Variants in ZNF761 observed in about 807,000 individuals in gnomAD.
ZNF761 encodes zinc finger protein 761.
A neutral mutation model predicts 59.9 loss-of-function variants in ZNF761; 43 were observed. That is an observed-to-expected ratio of 0.72 (90% confidence interval 0.56 to 0.92). The LOEUF is 0.92. ZNF761 is among the 40% of genes least tolerant of loss of function. The pLI, the probability that ZNF761 is intolerant of heterozygous loss-of-function variation, is 0.00. For missense variants in ZNF761, 850 were observed against 906.1 expected (o/e 0.94, Z 0.79); for synonymous variants, 294 against 304.8 (o/e 0.96, Z 0.37).
At chr19:53,440,013 T>C (rs2086082173) in intron 1 of ZNF761, among the ~76,000 whole-genome samples, 1 of 152,072 alleles carries the variant, frequency 6.6e-6, no homozygotes, top group Non-Finnish European at 1.5e-5. Flanking sequence ...GCATATGAGG[T>C]TGCACTGGTA....
In ZNF761 at chr19:53,455,122, A is replaced by G. The variant is rs1174634020; in HGVS notation, c.615A>G (p.Lys205=). The change falls in exon 5 of 5, where the codon AAA becomes AAG. Residue 205 remains lysine (K), a synonymous_variant. Coordinates refer to ENST00000684525, the MANE Select transcript of ZNF761 (RefSeq NM_001289951.2). ...GGAATTCTTCATTACTCACACAAAAACAGGAAGTACACATGAGAGAAAAAT... is the reference window on the plus strand; with the variant it reads ...GGAATTCTTCATTACTCACACAAAAGCAGGAAGTACACATGAGAGAAAAAT... ...NFWNSSLLTQ[K]QEVHMREKSF... 1 of 1,614,232 alleles carries G rather than the reference A, an allele frequency of 6.2e-7. No homozygotes were observed. Among genetic ancestry groups the G allele is most frequent in the East Asian group, 2.2e-5 (1 of 44,876 alleles).
At chr19:53,448,253 G>A (rs188125701) in intron 3 of ZNF761, among the ~76,000 whole-genome samples, 40 of 152,254 alleles carry the variant, frequency 2.6e-4, no homozygotes, top group African/African-American at 8.9e-4. Flanking sequence ...TCTGCCCACC[G>A]CAGTCTCCCA....
In ZNF761 at chr19:53,457,986, G is replaced by A. The variant is rs185334112; in HGVS notation, c.*1238G>A. 431 of 152,534 alleles carry A rather than the reference G, an allele frequency of 2.8e-3. 1 individual carries two copies. Among genetic ancestry groups the A allele is most frequent in the Non-Finnish European group, 4.9e-3 (335 of 68,146 alleles). 9.4% of individuals were successfully genotyped at this position (152,534 alleles called of 1,614,324 possible). On this transcript the variant is annotated 3_prime_UTR_variant, in exon 5 of 5. Transcript: ENST00000684525. ...TTTTTAATCATTTTGATCAATGTTT[G>A]TAGATTTCAAGGTACAAACTTCTGA...
At chr19:53,452,045 C>A (rs1290121847) in intron 4 of ZNF761, among the ~76,000 whole-genome samples, 1 of 152,176 alleles carries the variant, frequency 6.6e-6, no homozygotes, top group Non-Finnish European at 1.5e-5. Flanking sequence ...ATTTCACTGT[C>A]CTGTCAGAAA....
chr19:53,445,558 C>G (rs1007964984), intron 1 of ZNF761, among the ~76,000 whole-genome samples: 3 of 152,112 alleles, frequency 2.0e-5, no homozygotes, highest in Non-Finnish European at 2.9e-5. Context: ...AAAGCTCAAC[C>G]CGAGTGACCC....
intron 2 of ZNF761, among the ~76,000 whole-genome samples, chr19:53,446,902 A>G (rs35176941): frequency 0.058 from 8,898 of 152,196 alleles, 374 homozygotes; most frequent in African/African-American, 0.12. Flanking sequence ...GATGACAGGC[A>G]TGAGGCACCA....
intron 4 of ZNF761, among the ~76,000 whole-genome samples, chr19:53,451,954 C>T (rs1208560781): frequency 6.6e-6 from 1 of 152,010 alleles, no homozygotes; most frequent in Non-Finnish European, 1.5e-5. Flanking sequence ...ATTTATAGTA[C>T]AGGCTCTAAA....
In ZNF761 at chr19:53,454,865, A is replaced by G; in HGVS notation, c.358A>G (p.Thr120Ala). 1.9e-6 allele frequency: 3 copies of G among 1,614,218 alleles called. No individual in the cohort carries two copies. Among genetic ancestry groups the G allele is most frequent in the East Asian group, 2.2e-5 (1 of 44,874 alleles). The change falls in exon 5 of 5, where the codon ACA (threonine) becomes GCA (alanine). Residue 120 changes from threonine to alanine, a missense_variant. Transcript: ENST00000684525. ...EAPMTKIKKL[T>A]GITERYDQSH... is the part of the protein sequence containing the mutation. ...ACCCATGACAAAAATCAAAAAGTTG[A>G]CAGGTATTACAGAACGATATGATCA...
chr19:53,447,855 A>G (rs1408085868), intron 3 of ZNF761, among the ~76,000 whole-genome samples: 1 of 152,220 alleles, frequency 6.6e-6, no homozygotes, highest in Non-Finnish European at 1.5e-5. Context: ...TATTTTAAGA[A>G]TAGGAAATCA....
At chr19:53,452,582 G>A in intron 4 of ZNF761, among the ~76,000 whole-genome samples, 1 of 152,132 alleles carries the variant, frequency 6.6e-6, no homozygotes, top group Non-Finnish European at 1.5e-5. Flanking sequence ...AAGAGAAATA[G>A]CTTAAACTGG....
chr19:53,438,257 G>C (rs1489024869), intron 1 of ZNF761, among the ~76,000 whole-genome samples: 1 of 152,180 alleles, frequency 6.6e-6, no homozygotes, highest in Non-Finnish European at 1.5e-5. Context: ...AGTTATGACT[G>C]AATGTGGCAC....
At position 53,454,638 on chromosome 19, in the gene ZNF761, T is replaced by G. The variant is rs1318229679; in HGVS notation, c.143-12T>G. ...ACTTAATTTGAAAGCTTTCGGTGTT[T>G]ATGTTTTGTAGATATCTCTTCCAAA... On this transcript the variant is annotated splice_polypyrimidine_tract_variant and intron_variant, in intron 4 of 4. Transcript: ENST00000684525. 8 of 1,567,106 alleles carry G rather than the reference T, an allele frequency of 5.1e-6. No homozygotes were observed. Among genetic ancestry groups the G allele is most frequent in the Non-Finnish European group, 6.9e-6 (8 of 1,157,730 alleles).
intron 1 of ZNF761, among the ~76,000 whole-genome samples, chr19:53,436,661 A>T (rs1462730313): frequency 1.3e-5 from 2 of 152,168 alleles, no homozygotes; most frequent in Admixed American, 6.5e-5. Context: ...TTTTTAGCAG[A>T]CTTGTGAAAT....
chr19:53,433,319 A>G (rs2085997005), intron 1 of ZNF761, among the ~76,000 whole-genome samples: 1 of 152,110 alleles, frequency 6.6e-6, no homozygotes, highest in Non-Finnish European at 1.5e-5. Context: ...GTGTCCTTCC[A>G]TAGCTGGTGG....
intron 4 of ZNF761, among the ~76,000 whole-genome samples, chr19:53,453,206 G>T (rs1000889538): frequency 2.0e-5 from 3 of 152,090 alleles, no homozygotes; most frequent in African/African-American, 4.8e-5. Flanking sequence ...ATTTCACCAT[G>T]TTGGCCAAGC....
rs780487461 is a variant in ZNF761, at chr19:53,456,574, TTATAAG to T, written c.2069_2074del (p.Tyr690_Lys691del). 8 of 1,610,730 alleles carry T rather than the reference TTATAAG, an allele frequency of 5.0e-6. No homozygotes were observed. In the Admixed American group the frequency reaches 8.4e-5, roughly 17 times the overall value. ...ATAGACTTCATACTGGAGAGAAACCTTATAAGTGTAATGAGTGTGGCAAGAACTTTA... is the reference window on the plus strand; with the variant it reads ...ATAGACTTCATACTGGAGAGAAACCTTGTAATGAGTGTGGCAAGAACTTTA... On this transcript the variant is annotated inframe_deletion, in exon 5 of 5. Transcript: ENST00000684525.
Position 53,455,185 on chromosome 19 carries a change from C to T in ZNF761, c.678C>T (p.Tyr226=), listed in dbSNP as rs376026890. ...ATGAGAGTGGCAAAGCCTTTAATTA[C>T]AGCTCACTCTTAAGGAAACATCAGA... ...QCNESGKAFN[Y]SSLLRKHQII... is the part of the protein sequence containing the mutation. The change falls in exon 5 of 5, where the codon TAC becomes TAT. Residue 226 remains tyrosine, a synonymous_variant. Coordinates refer to ENST00000684525, the MANE Select transcript of ZNF761 (RefSeq NM_001289951.2). 2.2e-5 allele frequency: 35 copies of T among 1,614,058 alleles called. No homozygotes were observed. The highest frequency in any genetic ancestry group is 2.8e-5 in the Non-Finnish European group (33 of 1,180,042).
intron 1 of ZNF761, chr19:53,443,271 A>G (rs1239835514): frequency 6.4e-6 from 1 of 156,172 alleles, no homozygotes; most frequent in African/African-American, 2.4e-5. Flanking sequence ...TATTAAGTGC[A>G]TGTTTCCCTC....
At chr19:53,446,008 C>G (rs1271713160) in intron 1 of ZNF761, among the ~76,000 whole-genome samples, 1 of 152,164 alleles carries the variant, frequency 6.6e-6, no homozygotes, top group Non-Finnish European at 1.5e-5. Flanking sequence ...ATATCAAAAC[C>G]CTTCCTGTCT....
Sources: gnomAD v4.1 joint callset for allele counts (sites outside exome capture counted in the v4.1 genomes callset) on GRCh38, gnomAD v4.1.1 for gene constraint, MANE v1.5 for transcripts, NCBI Gene and HGNC (gene_info 2026-07-23, HGNC 2026-07-21) for gene names.